Variants in ADARB1 observed in about 807,000 individuals in gnomAD.
ADARB1 encodes adenosine deaminase RNA specific B1, also known as double-stranded RNA-specific editase 1.
A neutral mutation model predicts 52.4 loss-of-function variants in ADARB1; 10 were observed. The observed-to-expected ratio is 0.19, with a 90% confidence interval of 0.12 to 0.32. The LOEUF is 0.32. Among genes scored for constraint, ADARB1 ranks in the 10% least tolerant of loss-of-function variants. The probability of loss-of-function intolerance (pLI) is 1.00; values close to 1 mark genes in which losing one functional copy is unlikely to be tolerated. For synonymous variants in ADARB1, 349 were observed against 371.1 expected (o/e 0.94, Z 0.68); for missense variants, 643 against 922.3 (o/e 0.70, Z 3.92).
chr21:45,166,399 T>C (rs759404743), intron 2 of ADARB1, among the ~76,000 whole-genome samples: 4 of 152,214 alleles, frequency 2.6e-5, no homozygotes, highest in Non-Finnish European at 5.9e-5. Context: ...TTGATCTTCT[T>C]CCATGTCGGC....
Position 45,222,835 on chromosome 21 carries a change from G to A in ADARB1, c.*638G>A, listed in dbSNP as rs1041871273. On this transcript the variant is annotated 3_prime_UTR_variant, in exon 11 of 11. Transcript: ENST00000348831. ...AGGAGCAGACTCCCAGCATGGTGTA[G>A]CGTGGCCCTGTCATGCACATGGGGT... The A allele has an allele frequency of 3.0e-6, 3 of 985,406 alleles. No individual in the cohort carries two copies. In the Admixed American group the frequency reaches 1.8e-4, roughly 61 times the overall value. 61.0% of individuals were successfully genotyped at this position (985,406 alleles called of 1,614,324 possible).
intron 1 of ADARB1, among the ~76,000 whole-genome samples, chr21:45,120,047 A>G (rs1331976936): frequency 6.6e-6 from 1 of 152,222 alleles, no homozygotes; most frequent in African/African-American, 2.4e-5. Context: ...GACCTCTATA[A>G]AGCCTAGTAA....
chr21:45,101,293 G>A lies in ADARB1; in HGVS notation c.-220+26500G>A, dbSNP rs191673967. On this transcript the variant is annotated intron_variant, in intron 1 of 10. Coordinates refer to ENST00000348831, the MANE Select transcript of ADARB1 (RefSeq NM_001112.4). ...TGCTCGCTGTGCCCTGCGCGCGGGC[G>A]GGCCGTGTCCCCGCAGCCCCGCGCC... Among the ~76,000 whole-genome samples, 636 of 152,280 alleles carry A rather than the reference G, an allele frequency of 4.2e-3. 4 individuals carry two copies. The highest frequency in any genetic ancestry group is 0.014 in the African/African-American group (602 of 41,578).
intron 2 of ADARB1, chr21:45,145,155 T>A (rs1304308552): frequency 6.6e-6 from 1 of 152,332 alleles, no homozygotes; most frequent in Non-Finnish European, 1.5e-5. Context: ...GTCTCCCTTG[T>A]GCCCATAGAA....
intron 8 of ADARB1, among the ~76,000 whole-genome samples, chr21:45,189,942 G>T (rs573543930): frequency 6.6e-6 from 1 of 152,092 alleles, no homozygotes; most frequent in East Asian, 1.9e-4. Context: ...GGATTTATCT[G>T]TATTTCATTT....
intron 2 of ADARB1, among the ~76,000 whole-genome samples, chr21:45,164,784 G>A (rs2091172846): frequency 6.6e-6 from 1 of 152,128 alleles, no homozygotes; most frequent in Non-Finnish European, 1.5e-5. Flanking sequence ...TCAAGAGAAG[G>A]CAGAGAGGCT....
In ADARB1 at chr21:45,128,091, A is replaced by C. The variant is rs2088705154; in HGVS notation, c.-219-311A>C. On this transcript the variant is annotated intron_variant, in intron 1 of 10. Transcript: ENST00000348831. The surrounding 1 kb of genome is among the most constrained non-coding windows in gnomAD (Gnocchi z 4.6). ...TGTAAAAAAGATGAGTACGTGTGAG[A>C]TTCTGCCTGAGACTCCAGTCCTCAG... Among the ~76,000 whole-genome samples the C allele has an allele frequency of 6.6e-6, 1 of 152,158 alleles. No individual in the cohort carries two copies. Among genetic ancestry groups the C allele is most frequent in the Non-Finnish European group, 1.5e-5 (1 of 68,020 alleles).
intron 9 of ADARB1, among the ~76,000 whole-genome samples, chr21:45,218,477 G>C (rs2092907476): frequency 6.6e-6 from 1 of 152,156 alleles, no homozygotes; most frequent in Non-Finnish European, 1.5e-5. Context: ...TCCCAGCCTT[G>C]ATTGAGTAAC....
chr21:45,123,679 C>T (rs35270096), intron 1 of ADARB1, among the ~76,000 whole-genome samples: 2,311 of 152,222 alleles, frequency 0.015, 30 homozygotes, highest in Middle Eastern at 0.034. Context: ...TGGCTCACTG[C>T]AGCCTTGAAC....
chr21:45,175,693 C>G (rs756763995), intron 3 of ADARB1, 37 bp from the exon 4 acceptor site: 4 of 1,602,544 alleles, frequency 2.5e-6, no homozygotes, highest in Non-Finnish European at 2.6e-6. Flanking sequence ...GATCCTGCAA[C>G]GAAGGCATTG....
In ADARB1 at chr21:45,088,689, G is replaced by A. The variant is rs545313145; in HGVS notation, c.-220+13896G>A. On this transcript the variant is annotated intron_variant, in intron 1 of 10. Coordinates refer to ENST00000348831, the MANE Select transcript of ADARB1 (RefSeq NM_001112.4). ...AGAAACAGGATATTTGCCTAGTCTC[G>A]AAGTATCTCTTCCTCAAGTTATTTA... Among the ~76,000 whole-genome samples, 372 of 152,300 alleles carry A rather than the reference G, an allele frequency of 2.4e-3. 2 individuals carry two copies. The highest frequency in any genetic ancestry group is 4.4e-3 in the Non-Finnish European group (298 of 68,020).
At chr21:45,167,405 G>T (rs773794235) in intron 2 of ADARB1, among the ~76,000 whole-genome samples, 2 of 152,194 alleles carry the variant, frequency 1.3e-5, no homozygotes, top group Non-Finnish European at 2.9e-5. Flanking sequence ...GATTAATTAT[G>T]TATAAGAATT....
intron 2 of ADARB1, among the ~76,000 whole-genome samples, chr21:45,169,572 TCA>T (rs1237335968): frequency 1.3e-5 from 2 of 152,230 alleles, no homozygotes; most frequent in Non-Finnish European, 2.9e-5. Context: ...TCTACATCTC[TCA>T]GTCTTTTTAT....
chr21:45,161,551 C>T (rs530524352), intron 2 of ADARB1, among the ~76,000 whole-genome samples: 2 of 152,236 alleles, frequency 1.3e-5, no homozygotes, highest in South Asian at 2.1e-4. Context: ...GGGAGGCCAA[C>T]GCGGGGCTGA....
At chr21:45,182,189 A>G (rs2091954613) in intron 5 of ADARB1, among the ~76,000 whole-genome samples, 1 of 152,176 alleles carries the variant, frequency 6.6e-6, no homozygotes, top group African/African-American at 2.4e-5. Context: ...TCTCTTCAGT[A>G]CTTTGATATT....
At chr21:45,089,981 A>C (rs1340398441) in intron 1 of ADARB1, among the ~76,000 whole-genome samples, 1 of 152,194 alleles carries the variant, frequency 6.6e-6, no homozygotes, top group Non-Finnish European at 1.5e-5. Context: ...GATGGCTAGC[A>C]GGCTGCATCT....
intron 8 of ADARB1, among the ~76,000 whole-genome samples, chr21:45,190,214 C>G (rs1346508449): frequency 1.3e-5 from 2 of 152,062 alleles, no homozygotes; most frequent in African/African-American, 4.8e-5. Context: ...TCCACCTCAT[C>G]AAGTCTTCTG....
At chr21:45,143,194 T>C (rs138789900) in intron 2 of ADARB1, among the ~76,000 whole-genome samples, 9 of 152,278 alleles carry the variant, frequency 5.9e-5, no homozygotes, top group African/African-American at 2.2e-4. Context: ...GGCACTGTGC[T>C]CCTCACTCAG....
intron 1 of ADARB1, among the ~76,000 whole-genome samples, chr21:45,116,251 G>T (rs1411206015): frequency 6.6e-6 from 1 of 152,270 alleles, no homozygotes; most frequent in Non-Finnish European, 1.5e-5. Flanking sequence ...TTCAGCCCCA[G>T]GGTGGGGCTG....
Sources: allele counts gnomAD v4.1 joint callset (sites outside exome capture counted in the v4.1 genomes callset), GRCh38; gene constraint gnomAD v4.1.1; non-coding constraint Gnocchi (gnomAD v3.1); transcripts MANE v1.5; gene names NCBI Gene and HGNC (gene_info 2026-07-23, HGNC 2026-07-21).